The following CCDC171 variants were observed in gnomAD, a reference collection of about 807,000 sequenced individuals.
CCDC171 encodes coiled-coil domain containing 171.
CCDC171 carries 177 observed loss-of-function variants against 168.2 expected under a neutral mutation model. The observed-to-expected ratio is 1.05, with a 90% CI of 0.93 to 1.19. CCDC171 has a LOEUF of 1.19. Ranked by LOEUF, CCDC171 falls within the 50% of genes most tolerant of loss-of-function variation. CCDC171 has a pLI of 0.00. For synonymous variants in CCDC171, 687 were observed against 540.8 expected (o/e 1.27, Z -3.75); for missense variants, 1,991 against 1,539.0 (o/e 1.29, Z -4.91).
intron 9 of CCDC171, among the ~76,000 whole-genome samples, chr9:15,677,537 T>C (rs926103197): frequency 2.0e-5 from 3 of 152,016 alleles, no homozygotes; most frequent in African/African-American, 7.2e-5. Flanking sequence ...GAAACAGGTC[T>C]ACTACATTTT....
At chr9:15,694,292 C>G (rs137902618) in intron 10 of CCDC171, among the ~76,000 whole-genome samples, 1 of 152,182 alleles carries the variant, frequency 6.6e-6, no homozygotes, top group Non-Finnish European at 1.5e-5. Flanking sequence ...TATACCTGAC[C>G]CTGCTTCTAA....
chr9:15,899,638 T>G (rs1821368248), intron 24 of CCDC171, among the ~76,000 whole-genome samples: 1 of 152,204 alleles, frequency 6.6e-6, no homozygotes, highest in Non-Finnish European at 1.5e-5. Context: ...ATATTCTCTT[T>G]TGATAAAATT....
Position 16,018,268 on chromosome 9 carries a change from A to G in CCDC171, n.369-2321A>G, listed in dbSNP as rs535426929. On this transcript the variant is annotated intron_variant and non_coding_transcript_variant, in intron 3 of 9. Transcript: ENST00000486641. Reference sequence around the variant, plus strand: ...AGGCCAGAAAGATATATTATTTCTAAGAAGCATATAGCATTATCCTTAGCA... The same window carrying G: ...AGGCCAGAAAGATATATTATTTCTAGGAAGCATATAGCATTATCCTTAGCA... 3.9e-5 allele frequency among the ~76,000 whole-genome samples: 6 copies of G among 152,318 alleles called. No homozygotes were observed. The East Asian group carries it at 1.2e-3, about 29-fold the overall frequency.
chr9:15,743,138 C>CTTTTTTTTTTTTTTTTTTTTTT (rs66642691), intron 16 of CCDC171, among the ~76,000 whole-genome samples: 1 of 73,270 alleles, frequency 1.4e-5, no homozygotes, highest in African/African-American at 5.7e-5. Context: ...CTGTTACCTT[C>CTTTTTTTTTTTTTTTTTTTTTT]TTTTTTTTTT....
intron 1 of CCDC171, among the ~76,000 whole-genome samples, chr9:16,044,362 A>G (rs959806403): frequency 6.6e-6 from 1 of 152,076 alleles, no homozygotes; most frequent in Admixed American, 6.5e-5. Flanking sequence ...CTTCTTCCAA[A>G]TTGTATACGT....
At chr9:16,039,185 C>T (rs1381661059), upstream of CCDC171, among the ~76,000 whole-genome samples, 1 of 152,110 alleles carries the variant, frequency 6.6e-6, no homozygotes, top group African/African-American at 2.4e-5. Flanking sequence ...CAGGGTCCTT[C>T]TTAGGCAAAT....
intron 3 of CCDC171, among the ~76,000 whole-genome samples, chr9:16,015,533 C>A (rs1299627409): frequency 6.6e-6 from 1 of 152,148 alleles, no homozygotes; most frequent in Non-Finnish European, 1.5e-5. Flanking sequence ...CTGACTACAG[C>A]CTATAATTTC....
chr9:15,964,090 A>G (rs1179643949), intron 25 of CCDC171, among the ~76,000 whole-genome samples: 2 of 152,206 alleles, frequency 1.3e-5, no homozygotes, highest in Non-Finnish European at 2.9e-5. Context: ...AGCCCAAGAT[A>G]GAAGCAGCCT....
intron 6 of CCDC171, among the ~76,000 whole-genome samples, chr9:15,603,576 A>C (rs1462999054): frequency 6.6e-6 from 1 of 152,188 alleles, no homozygotes; most frequent in Non-Finnish European, 1.5e-5. Context: ...CCTGCAAAAG[A>C]CATGATTTCA....
At chr9:15,565,999 C>G (rs1016711633) in intron 2 of CCDC171, among the ~76,000 whole-genome samples, 3 of 152,184 alleles carry the variant, frequency 2.0e-5, no homozygotes, top group Non-Finnish European at 4.4e-5. Context: ...TTTAATTTCT[C>G]TATAACCTGA....
intron 21 of CCDC171, among the ~76,000 whole-genome samples, chr9:15,787,147 A>G (rs2058006719): frequency 6.6e-6 from 1 of 151,894 alleles, no homozygotes; most frequent in Non-Finnish European, 1.5e-5. Context: ...TTTAGGGTGT[A>G]TTTTGATGTT....
At chr9:15,578,337 C>T (rs575962754) in intron 3 of CCDC171, among the ~76,000 whole-genome samples, 1 of 150,540 alleles carries the variant, frequency 6.6e-6, no homozygotes, top group South Asian at 2.1e-4. Context: ...CAGGCTCAAG[C>T]AATCCTTCCA....
chr9:15,642,988 C>T (rs2046760418), intron 7 of CCDC171, among the ~76,000 whole-genome samples: 1 of 151,796 alleles, frequency 6.6e-6, no homozygotes, highest in Admixed American at 6.6e-5. Context: ...AGCATATATG[C>T]TTTTTGGAAT....
intron 15 of CCDC171, among the ~76,000 whole-genome samples, chr9:15,728,821 G>A (rs1342484962): frequency 4.6e-5 from 7 of 151,864 alleles, no homozygotes; most frequent in Admixed American, 4.6e-4. Flanking sequence ...GCTCTTAAGG[G>A]ACAAGAAGAG....
In CCDC171 at chr9:15,897,068, A is replaced by G. The variant is rs147969674; in HGVS notation, c.3600+22405A>G. ...TCTGAGTCCCATTCCTTCTATACAT[A>G]TATCCAGCATGTATAGATCTCATTC... On this transcript the variant is annotated intron_variant, in intron 24 of 25. Transcript: ENST00000380701. Among the ~76,000 whole-genome samples the G allele has an allele frequency of 3.3e-3, 508 of 152,176 alleles. 1 individual carries two copies. The highest frequency in any genetic ancestry group is 0.012 in the African/African-American group (490 of 41,550).
chr9:16,041,260 C>T (rs988515895), upstream of CCDC171, among the ~76,000 whole-genome samples: 1 of 152,016 alleles, frequency 6.6e-6, no homozygotes, highest in East Asian at 1.9e-4. Flanking sequence ...TTCAGCTAGT[C>T]GGATTTGGCC....
chr9:15,813,095 A>C (rs1459033946), intron 21 of CCDC171, among the ~76,000 whole-genome samples: 1 of 152,214 alleles, frequency 6.6e-6, no homozygotes, highest in Non-Finnish European at 1.5e-5. Context: ...CTGTGGGCAG[A>C]GACTGGCTAA....
chr9:16,078,299 GC>G, the CCDC171 span, among the ~76,000 whole-genome samples: 2 of 152,180 alleles, frequency 1.3e-5, no homozygotes, highest in Non-Finnish European at 2.9e-5. Flanking sequence ...CAGGAACTCA[GC>G]CTCCAGCTCT....
chr9:15,943,703 C>T (rs1231870401), intron 25 of CCDC171, among the ~76,000 whole-genome samples: 1 of 151,932 alleles, frequency 6.6e-6, no homozygotes, highest in Non-Finnish European at 1.5e-5. Flanking sequence ...AGAGCTCTTT[C>T]TCTTCCCATC....
Sources: gnomAD v4.1 joint callset for allele counts (sites outside exome capture counted in the v4.1 genomes callset) on GRCh38, gnomAD v4.1.1 for gene constraint, MANE v1.5 for transcripts, NCBI Gene and HGNC (gene_info 2026-07-23, HGNC 2026-07-21) for gene names.